CDH12: variants seen among roughly 807,000 people sequenced by gnomAD.
CDH12 encodes cadherin 12.
CDH12 carries 41 observed loss-of-function variants against 74.1 expected under a neutral mutation model. The observed-to-expected ratio is 0.55, with a 90% CI of 0.43 to 0.72. The LOEUF is 0.72. CDH12 is among the 30% of genes least tolerant of loss of function. The pLI is 0.00. For synonymous variants in CDH12, 399 were observed against 355.0 expected (o/e 1.12, Z -1.39); for missense variants, 945 against 977.2 (o/e 0.97, Z 0.44).
chr5:22,384,899 T>G (rs1467310005), intron 3 of CDH12, among the ~76,000 whole-genome samples: 40 of 152,210 alleles, frequency 2.6e-4, no homozygotes, highest in Admixed American at 2.6e-3. Context: ...TTTAATATTT[T>G]AAATTCCCTA....
chr5:22,471,806 C>A (rs1272653707), intron 2 of CDH12, among the ~76,000 whole-genome samples: 2 of 152,170 alleles, frequency 1.3e-5, no homozygotes, highest in Non-Finnish European at 2.9e-5. Context: ...ACACCCTAAT[C>A]TCTTATTTTT....
rs1046959702 is a variant in CDH12, at chr5:22,443,854, C to G, written c.-427-38503G>C. On this transcript the variant is annotated intron_variant, in intron 2 of 14. Transcript: ENST00000382254. The stretch of plus-strand genomic sequence containing the variant: ...TTTCTTACAACATATATTGTATGCA[C>G]ACACACATAAAGCATACACATGTGT... 7.2e-5 allele frequency among the ~76,000 whole-genome samples: 11 copies of G among 152,100 alleles called. No individual in the cohort carries two copies. In the South Asian group the frequency reaches 2.3e-3, roughly 32 times the overall value.
chr5:22,049,049 C>A (rs1300652471), intron 5 of CDH12, among the ~76,000 whole-genome samples: 1 of 152,036 alleles, frequency 6.6e-6, no homozygotes, highest in Non-Finnish European at 1.5e-5. Context: ...ATGCCTGAAT[C>A]ATCTCTAGAG....
chr5:22,562,378 A>T (rs1439766726), intron 1 of CDH12, among the ~76,000 whole-genome samples: 1 of 152,174 alleles, frequency 6.6e-6, no homozygotes, highest in Non-Finnish European at 1.5e-5. Flanking sequence ...TAATGGAAAA[A>T]CAAAACTGCT....
intron 2 of CDH12, among the ~76,000 whole-genome samples, chr5:22,438,714 C>A (rs1489731263): frequency 6.6e-6 from 1 of 151,906 alleles, no homozygotes; most frequent in Non-Finnish European, 1.5e-5. Flanking sequence ...AAGGCCAATG[C>A]TTTGACTCTA....
chr5:22,368,131 T>A (rs1350451140), intron 3 of CDH12, among the ~76,000 whole-genome samples: 1 of 152,112 alleles, frequency 6.6e-6, no homozygotes, highest in African/African-American at 2.4e-5. Context: ...ACTAAATATA[T>A]ATTCATTATT....
At chr5:21,952,426 C>T (rs1755903954) in intron 6 of CDH12, among the ~76,000 whole-genome samples, 1 of 152,126 alleles carries the variant, frequency 6.6e-6, no homozygotes, top group Non-Finnish European at 1.5e-5. Flanking sequence ...CTAGGATATT[C>T]ACAGGGTAAA....
rs112956419 is a variant in CDH12, at chr5:22,385,286, A to T, written c.-333+19971T>A. 2.2e-4 allele frequency among the ~76,000 whole-genome samples: 34 copies of T among 152,280 alleles called. 1 individual carries two copies. The highest frequency in any genetic ancestry group is 7.0e-4 in the African/African-American group (29 of 41,560). ...GGTTAAAGCTTAATATACTGTGCAG[A>T]CACAGATCTTTCTAAATAGTTATCC... On this transcript the variant is annotated intron_variant, in intron 3 of 14. Coordinates refer to ENST00000382254, the MANE Select transcript of CDH12 (RefSeq NM_004061.5).
chr5:22,844,902 C>T (rs1737231305), intron 1 of CDH12, among the ~76,000 whole-genome samples: 1 of 151,910 alleles, frequency 6.6e-6, no homozygotes, highest in Non-Finnish European at 1.5e-5. Context: ...TTTAGGAGCT[C>T]CAGACAGTGC....
At chr5:22,733,375 A>T (rs2127006568) in intron 1 of CDH12, among the ~76,000 whole-genome samples, 1 of 152,036 alleles carries the variant, frequency 6.6e-6, no homozygotes, top group Non-Finnish European at 1.5e-5. Context: ...AGCAAAATTC[A>T]AAAAATATGC....
intron 3 of CDH12, among the ~76,000 whole-genome samples, chr5:22,395,603 A>T (rs898589421): frequency 6.6e-6 from 1 of 152,000 alleles, no homozygotes; most frequent in African/African-American, 2.4e-5. Context: ...CTGGGAATTA[A>T]TTTTTTTCTT....
At chr5:21,761,211 C>T (rs1744698437) in intron 12 of CDH12, among the ~76,000 whole-genome samples, 1 of 152,010 alleles carries the variant, frequency 6.6e-6, no homozygotes, top group African/African-American at 2.4e-5. Flanking sequence ...ATTGTGTTTT[C>T]AAAGAGTTTT....
At chr5:22,578,156 T>C (rs1027877487) in intron 1 of CDH12, among the ~76,000 whole-genome samples, 1 of 152,200 alleles carries the variant, frequency 6.6e-6, no homozygotes, top group African/African-American at 2.4e-5. Flanking sequence ...CCAGTGTCTT[T>C]CTACTCACTT....
intron 5 of CDH12, among the ~76,000 whole-genome samples, chr5:22,073,711 G>T (rs1291815703): frequency 1.3e-5 from 2 of 152,216 alleles, no homozygotes; most frequent in East Asian, 3.9e-4. Flanking sequence ...TTTTGTTCAA[G>T]TAATAGCACA....
At chr5:22,792,086 CTTTT>C (rs757562010) in intron 1 of CDH12, among the ~76,000 whole-genome samples, 3 of 125,384 alleles carry the variant, frequency 2.4e-5, no homozygotes, top group Non-Finnish European at 3.4e-5. Flanking sequence ...TGAACTAGGG[CTTTT>C]TTTTTTTTTT....
chr5:22,514,884 C>G (rs898349840), intron 1 of CDH12, among the ~76,000 whole-genome samples: 2 of 151,930 alleles, frequency 1.3e-5, no homozygotes, highest in Non-Finnish European at 2.9e-5. Flanking sequence ...AAGGAAGAAC[C>G]CTACCTGACA....
At chr5:21,924,768 G>T (rs571703715) in intron 6 of CDH12, among the ~76,000 whole-genome samples, 1 of 152,152 alleles carries the variant, frequency 6.6e-6, no homozygotes, top group Non-Finnish European at 1.5e-5. Flanking sequence ...TTGAGGTGAT[G>T]TGAAAATTTT....
In CDH12 at chr5:21,780,875, A is replaced by G. The variant is rs1272018606; in HGVS notation, c.1393+2483T>C. On this transcript the variant is annotated intron_variant, in intron 11 of 14. Coordinates refer to ENST00000382254, the MANE Select transcript of CDH12 (RefSeq NM_004061.5). The stretch of plus-strand genomic sequence containing the variant: ...CATAAATGAAATAAATGAAAGCATG[A>G]AATGAATGAGGAAAACATATGTAAC... 2.0e-5 allele frequency among the ~76,000 whole-genome samples: 3 copies of G among 152,200 alleles called. No individual in the cohort carries two copies. In the East Asian group the frequency reaches 5.8e-4, roughly 29 times the overall value.
At chr5:22,236,545 C>T (rs1051017893) in intron 3 of CDH12, among the ~76,000 whole-genome samples, 5 of 151,838 alleles carry the variant, frequency 3.3e-5, no homozygotes, top group African/African-American at 4.9e-5. Flanking sequence ...CCAGCCTGGC[C>T]AACATGGTGA....
Sources: gnomAD v4.1 joint callset for allele counts (sites outside exome capture counted in the v4.1 genomes callset) on GRCh38, gnomAD v4.1.1 for gene constraint, MANE v1.5 for transcripts, NCBI Gene and HGNC (gene_info 2026-07-23, HGNC 2026-07-21) for gene names.